Variants in RMST observed in about 807,000 individuals in gnomAD.
RMST encodes the protein long intergenic non-protein coding RNA 54.
chr12:97,484,861 T>C (rs1875892877), intron 5 of RMST, among the ~76,000 whole-genome samples: 1 of 152,208 alleles, frequency 6.6e-6, no homozygotes, highest in Non-Finnish European at 1.5e-5. Context: ...TCTCATCAAT[T>C]AGTCAGCACA....
chr12:97,560,397 A>C (rs1319585529), intron 11 of RMST: 1 of 152,212 alleles, frequency 6.6e-6, no homozygotes, highest in African/African-American at 2.4e-5. Context: ...AAAGCAATGA[A>C]TGTGGCAGTC....
intron 10 of RMST, among the ~76,000 whole-genome samples, chr12:97,505,081 C>A (rs1226691195): frequency 6.6e-6 from 1 of 152,120 alleles, no homozygotes; most frequent in African/African-American, 2.4e-5. Flanking sequence ...ATATTTGATT[C>A]TTATTTTCTC....
chr12:97,540,825 A>T (rs1404151859), intron 11 of RMST, among the ~76,000 whole-genome samples: 2 of 151,632 alleles, frequency 1.3e-5, no homozygotes, highest in African/African-American at 4.8e-5. Flanking sequence ...AACAGAGGCA[A>T]TTAGAGAAGG....
chr12:97,547,608 G>GC (rs1883033567), intron 11 of RMST, among the ~76,000 whole-genome samples: 1 of 151,948 alleles, frequency 6.6e-6, no homozygotes, highest in Non-Finnish European at 1.5e-5. Context: ...GGTGATATCT[G>GC]ATTATAGTTT....
intron 10 of RMST, among the ~76,000 whole-genome samples, chr12:97,523,893 C>T (rs1057083122): frequency 2.0e-5 from 3 of 151,476 alleles, no homozygotes; most frequent in Non-Finnish European, 2.9e-5. Flanking sequence ...CTGGTTAACA[C>T]GGTGAAACCC....
chr12:97,545,586 G>A (rs1380830985), intron 11 of RMST, among the ~76,000 whole-genome samples: 1 of 152,036 alleles, frequency 6.6e-6, no homozygotes, highest in Non-Finnish European at 1.5e-5. Context: ...CCTTCAGTTA[G>A]CATCTTTGGA....
chr12:97,484,297 A>G (rs1220402940), intron 5 of RMST, among the ~76,000 whole-genome samples: 5 of 152,170 alleles, frequency 3.3e-5, no homozygotes, highest in Non-Finnish European at 7.3e-5. Context: ...TTTCAAGTAG[A>G]CAGTTCAGAT....
intron 11 of RMST, among the ~76,000 whole-genome samples, chr12:97,542,079 T>G (rs1274127259): frequency 3.9e-5 from 6 of 151,954 alleles, no homozygotes; most frequent in African/African-American, 1.4e-4. Flanking sequence ...TATTCCTTTT[T>G]GCACTGGGTA....
intron 5 of RMST, among the ~76,000 whole-genome samples, chr12:97,471,289 A>T (rs1873881864): frequency 1.3e-5 from 2 of 152,060 alleles, no homozygotes; most frequent in Admixed American, 1.3e-4. Flanking sequence ...TCCTGGGTGA[A>T]GCAAGCTAGA....
intron 10 of RMST, among the ~76,000 whole-genome samples, chr12:97,529,088 A>G (rs988684197): frequency 5.3e-5 from 8 of 152,100 alleles, no homozygotes; most frequent in African/African-American, 1.9e-4. Context: ...ATATAGATAT[A>G]TAATTTCTAA....
chr12:97,529,041 G>A (rs1291332643), intron 10 of RMST, among the ~76,000 whole-genome samples: 1 of 151,962 alleles, frequency 6.6e-6, no homozygotes, highest in African/African-American at 2.4e-5. Flanking sequence ...AGGATAAAGA[G>A]TATCTTACTC....
At chr12:97,489,991 T>C (rs1453318547) in intron 5 of RMST, among the ~76,000 whole-genome samples, 1 of 152,216 alleles carries the variant, frequency 6.6e-6, no homozygotes, top group Non-Finnish European at 1.5e-5. Context: ...GAGGTTACAT[T>C]TAGGTACATG....
At chr12:97,518,910 C>T (rs11109087) in intron 10 of RMST, among the ~76,000 whole-genome samples, 9,132 of 151,776 alleles carry the variant, frequency 0.06, 400 homozygotes, top group East Asian at 0.17. Context: ...GCTGAGACTA[C>T]AGGCACCTGC....
rs573488107 is a variant in RMST at position 97,512,670 on chromosome 12, A to G, written n.1340+16614A>G. Among the ~76,000 whole-genome samples the G allele has an allele frequency of 3.9e-5, 6 of 152,314 alleles. No homozygotes were observed. In the South Asian group the frequency reaches 1.0e-3, roughly 26 times the overall value. ...TTGGTGTATTTACAATCCCTTAGCT[A>G]GACATAAAGGGTCTCCACATCCCCA... On this transcript the variant is annotated intron_variant and non_coding_transcript_variant, in intron 10 of 13. Coordinates refer to ENST00000640149, the Ensembl canonical transcript of RMST.
chr12:97,476,638 A>G (rs1277196515), intron 5 of RMST, among the ~76,000 whole-genome samples: 2 of 152,202 alleles, frequency 1.3e-5, no homozygotes, highest in African/African-American at 4.8e-5. Context: ...TGATTTGTTC[A>G]TTCATGTCCT....
intron 5 of RMST, among the ~76,000 whole-genome samples, chr12:97,489,015 G>C (rs1328443519): frequency 6.6e-6 from 1 of 152,164 alleles, no homozygotes; most frequent in Non-Finnish European, 1.5e-5. Context: ...ATGTTTAATT[G>C]CACAATTGTT....
chr12:97,510,207 G>C (rs772943123), intron 10 of RMST, among the ~76,000 whole-genome samples: 4 of 152,156 alleles, frequency 2.6e-5, no homozygotes, highest in Non-Finnish European at 4.4e-5. Flanking sequence ...TAGAAATGAA[G>C]CAAATGTAGG....
chr12:97,527,468 T>C (rs1049685450), intron 10 of RMST, among the ~76,000 whole-genome samples: 6 of 152,182 alleles, frequency 3.9e-5, no homozygotes, highest in Non-Finnish European at 7.3e-5. Flanking sequence ...GAGTTGGACT[T>C]TGTGGCCACA....
At position 97,547,559 on chromosome 12, in the gene RMST, T is replaced by C. The variant is rs558336558; in HGVS notation, n.1546-12978T>C. On this transcript the variant is annotated intron_variant and non_coding_transcript_variant, in intron 11 of 13. Coordinates refer to ENST00000640149, the Ensembl canonical transcript of RMST. ...TACACATCCAAAACAACCCTTGTTG[T>C]CTTTTGTCTTTCTGATAATAGCCAC... is the stretch of plus-strand genomic sequence containing the variant. Among the ~76,000 whole-genome samples the C allele has an allele frequency of 8.3e-4, 127 of 152,230 alleles. 1 individual carries two copies. Among genetic ancestry groups the C allele is most frequent in the Admixed American group, 9.8e-4 (15 of 15,268 alleles).
Sources: gnomAD v4.1 joint callset for allele counts (sites outside exome capture counted in the v4.1 genomes callset) on GRCh38, gnomAD v4.1.1 for gene constraint, MANE v1.5 for transcripts, NCBI Gene and HGNC (gene_info 2026-07-23, HGNC 2026-07-21) for gene names.